DENND5A: variants seen among roughly 807,000 people sequenced by gnomAD.
DENND5A encodes the protein DENN domain containing 5A.
DENND5A carries 64 observed loss-of-function variants against 140.3 expected under a neutral mutation model. The observed-to-expected ratio is 0.46, with a 90% confidence interval of 0.37 to 0.56. DENND5A has a LOEUF of 0.56. DENND5A is among the 20% of genes least tolerant of loss of function. The pLI, the probability that DENND5A is intolerant of heterozygous loss-of-function variation, is 0.00. For synonymous variants in DENND5A, 605 were observed against 607.7 expected (o/e 1.00, Z 0.07); for missense variants, 1,292 against 1,593.8 (o/e 0.81, Z 3.22).
intron 1 of DENND5A, among the ~76,000 whole-genome samples, chr11:9,257,121 T>C (rs999411813): frequency 2.6e-5 from 4 of 151,614 alleles, no homozygotes; most frequent in Non-Finnish European, 4.4e-5. Flanking sequence ...GCGATTCTCC[T>C]GTGTCAGCCT....
At chr11:9,152,318 T>C (rs1564883752) in intron 13 of DENND5A, 40 bp downstream of exon 13, 1 of 1,431,266 alleles carries the variant, frequency 7.0e-7, no homozygotes, top group Admixed American at 1.7e-5. Flanking sequence ...GATGGAAAAG[T>C]GGAGAGAGGG....
chr11:9,182,297 G>A (rs147188007), intron 5 of DENND5A, among the ~76,000 whole-genome samples: 2,644 of 152,222 alleles, frequency 0.017, 32 homozygotes, highest in Non-Finnish European at 0.029. Context: ...GCCTGGGCAA[G>A]AGAGTGAGAC....
intron 16 of DENND5A, 163 bp downstream of exon 16, chr11:9,146,867 C>A: frequency 2.7e-6 from 2 of 727,962 alleles, no homozygotes; most frequent in East Asian, 2.6e-5. Flanking sequence ...GAAAACACAG[C>A]CTCCAAGGAG....
intron 1 of DENND5A, among the ~76,000 whole-genome samples, chr11:9,256,332 T>C (rs549236514): frequency 2.6e-5 from 4 of 152,054 alleles, no homozygotes; most frequent in South Asian, 2.1e-4. Flanking sequence ...TGGTGGTACA[T>C]GCCTGTAATC....
In DENND5A at chr11:9,210,834, A is replaced by G. The variant is rs559203691; in HGVS notation, c.110-3202T>C. On this transcript the variant is annotated intron_variant, in intron 1 of 22. Transcript: ENST00000328194. ...CCACACCCAGTTTAAAGACATTTTT[A>G]TATCTGGCCTCTTGAAGGTGATAGG... Among the ~76,000 whole-genome samples, 7 of 152,324 alleles carry G rather than the reference A, an allele frequency of 4.6e-5. No individual in the cohort carries two copies. In the East Asian group the frequency reaches 1.3e-3, roughly 29 times the overall value.
At chr11:9,232,231 T>C (rs1347309008) in intron 1 of DENND5A, among the ~76,000 whole-genome samples, 4 of 152,132 alleles carry the variant, frequency 2.6e-5, no homozygotes, top group African/African-American at 9.7e-5. Flanking sequence ...GAAAAACGTA[T>C]AAATTGTACA....
At chr11:9,174,868 T>C (rs1007323821) in intron 8 of DENND5A, among the ~76,000 whole-genome samples, 2 of 152,152 alleles carry the variant, frequency 1.3e-5, no homozygotes, top group South Asian at 4.1e-4. Flanking sequence ...TGCTAAAGGT[T>C]ATCTATGAAA....
chr11:9,195,601 C>G (rs1016383247), intron 4 of DENND5A, among the ~76,000 whole-genome samples: 5 of 151,982 alleles, frequency 3.3e-5, no homozygotes, highest in African/African-American at 4.8e-5. Flanking sequence ...TTGTAAGTAA[C>G]AAAAAACTTT....
intron 1 of DENND5A, among the ~76,000 whole-genome samples, chr11:9,213,725 T>C (rs1478288127): frequency 6.9e-6 from 1 of 145,770 alleles, no homozygotes; most frequent in Non-Finnish European, 1.5e-5. Flanking sequence ...CACGATCGCT[T>C]GAACCCTGGA....
At chr11:9,255,455 G>C (rs1007326545) in intron 1 of DENND5A, among the ~76,000 whole-genome samples, 6 of 152,198 alleles carry the variant, frequency 3.9e-5, no homozygotes, top group African/African-American at 7.2e-5. Context: ...CGGGCAGCCA[G>C]GTGCGGTGGC....
At chr11:9,229,412 CG>C (rs1850668580) in intron 1 of DENND5A, among the ~76,000 whole-genome samples, 3 of 152,066 alleles carry the variant, frequency 2.0e-5, no homozygotes, top group African/African-American at 7.2e-5. Context: ...TAAAGGAGAC[CG>C]GAAGACCTCA....
At chr11:9,165,767 G>A (rs755408263) in intron 11 of DENND5A, 69 bp downstream of exon 11, 10 of 1,569,636 alleles carry the variant, frequency 6.4e-6, no homozygotes, top group Non-Finnish European at 8.7e-6. Flanking sequence ...GGAGTGGTCA[G>A]AGCCAATCCT....
chr11:9,265,003 C>A lies in DENND5A; in HGVS notation c.67G>T (p.Gly23Ter). ...SRFADYFVIC[G>*]LDTETGLEPD... The stretch of plus-strand genomic sequence containing the variant: ...TCCAGCCCGGTCTCCGTGTCCAGTC[C>A]GCAGATGACAAAGTAGTCGGCGAAG... Residue 23 changes from glycine (G) to a stop codon, truncating the protein, a stop_gained, in exon 1 of 23, where the codon GGA becomes TGA. Coordinates refer to ENST00000328194, the MANE Select transcript of DENND5A (RefSeq NM_015213.4). LOFTEE classifies it high-confidence loss of function. The surrounding 1 kb of genome is among the most constrained non-coding windows in gnomAD (Gnocchi z 4.7). The A allele has an allele frequency of 6.3e-7, 1 of 1,588,780 alleles. No homozygotes were observed. The highest frequency in any genetic ancestry group is 1.4e-5 in the African/African-American group (1 of 72,760).
intron 1 of DENND5A, among the ~76,000 whole-genome samples, chr11:9,239,648 G>T (rs1348598723): frequency 6.6e-6 from 1 of 151,488 alleles, no homozygotes; most frequent in Non-Finnish European, 1.5e-5. Context: ...TTTTTGTAGA[G>T]ACGAGGTCTT....
intron 8 of DENND5A, 148 bp from the exon 9 acceptor site, chr11:9,170,925 G>GA (rs1564894443): frequency 3.0e-6 from 4 of 1,346,492 alleles, no homozygotes; most frequent in African/African-American, 1.5e-5. Context: ...TGCCTAATAG[G>GA]AAAAAACCCA....
At chr11:9,236,965 G>A (rs761193236) in intron 1 of DENND5A, among the ~76,000 whole-genome samples, 5 of 151,844 alleles carry the variant, frequency 3.3e-5, no homozygotes, top group African/African-American at 4.8e-5. Flanking sequence ...CAAAATATTC[G>A]TAACAGAAAA....
chr11:9,143,153 G>C (rs1463521847), intron 20 of DENND5A: 2 of 592,170 alleles, frequency 3.4e-6, no homozygotes, highest in Non-Finnish European at 6.0e-6. Context: ...GACAGGAATA[G>C]GCACTGTTCA....
intron 3 of DENND5A, 135 bp from the exon 4 acceptor site, chr11:9,204,452 A>C: frequency 1.3e-6 from 1 of 775,020 alleles, no homozygotes; most frequent in Non-Finnish European, 2.0e-6. Flanking sequence ...CTCTCTTTCT[A>C]ATGCAAGACA....
Position 9,168,181 on chromosome 11 carries a change from T to G in DENND5A, c.2151+1675A>C, listed in dbSNP as rs1191015003. 2.6e-5 allele frequency among the ~76,000 whole-genome samples: 4 copies of G among 152,110 alleles called. No homozygotes were observed. The East Asian group carries it at 7.7e-4, about 29-fold the overall frequency. On this transcript the variant is annotated intron_variant, in intron 10 of 22. Transcript: ENST00000328194. ...ACCCCATCCAAATCTCATCTTGAAT[T>G]GTAGCTCCTACAATTCCCACATGTT...
Sources: allele counts gnomAD v4.1 joint callset (sites outside exome capture counted in the v4.1 genomes callset), GRCh38; gene constraint gnomAD v4.1.1; non-coding constraint Gnocchi (gnomAD v3.1); transcripts MANE v1.5; gene names NCBI Gene and HGNC (gene_info 2026-07-23, HGNC 2026-07-21).